NT5C3A: variants seen among roughly 807,000 people sequenced by gnomAD.
NT5C3A encodes cytosolic 5'-nucleotidase 3A.
Under a neutral mutation model 40.0 loss-of-function variants are expected in NT5C3A, and 23 were observed. That is an observed-to-expected ratio of 0.58 (90% CI 0.41 to 0.81). NT5C3A has a LOEUF of 0.81. NT5C3A is among the 40% of genes least tolerant of loss of function. The pLI is 0.00. For synonymous variants in NT5C3A, 130 were observed against 141.4 expected, an observed-to-expected ratio of 0.92 and a Z score of 0.57; for missense variants, 328 against 403.0, an observed-to-expected ratio of 0.81 and a Z score of 1.59.
intron 6 of NT5C3A, among the ~76,000 whole-genome samples, chr7:33,019,282 T>C (rs1222424953): frequency 6.6e-6 from 1 of 151,920 alleles, no homozygotes; most frequent in Non-Finnish European, 1.5e-5. Context: ...TATACTTAAA[T>C]CCCTTTTAAC....
chr7:33,030,208 T>C (rs1382364074), intron 1 of NT5C3A, among the ~76,000 whole-genome samples: 2 of 152,180 alleles, frequency 1.3e-5, no homozygotes, highest in Non-Finnish European at 2.9e-5. Context: ...GACTCCTGTA[T>C]GGAATATGTC....
At chr7:33,059,846 T>C (rs1583977275) in intron 1 of NT5C3A, among the ~76,000 whole-genome samples, 1 of 152,238 alleles carries the variant, frequency 6.6e-6, no homozygotes, top group Non-Finnish European at 1.5e-5. Flanking sequence ...TTAAGATCTC[T>C]AATCATCTTT....
At position 33,014,516 on chromosome 7, in the gene NT5C3A, TA is replaced by T; in HGVS notation, c.*213del. The T allele has an allele frequency of 3.1e-6, 2 of 641,924 alleles. No individual in the cohort carries two copies. Among genetic ancestry groups the T allele is most frequent in the Non-Finnish European group, 5.4e-6 (2 of 368,048 alleles). 39.8% of individuals were successfully genotyped at this position (641,924 alleles called of 1,614,324 possible). ...TCTAATTTTAGCTTTTTTTTTTTTT[TA>T]AATGGGTTAAAAGATACGGTGAGGA... is the stretch of plus-strand genomic sequence containing the variant. On this transcript the variant is annotated 3_prime_UTR_variant, in exon 9 of 9. Transcript: ENST00000610140.
intron 1 of NT5C3A, among the ~76,000 whole-genome samples, chr7:33,044,434 G>A (rs112773741): frequency 6.6e-6 from 1 of 152,122 alleles, no homozygotes; most frequent in Non-Finnish European, 1.5e-5. Context: ...GAAGTACGAA[G>A]TTGTAAAGAC....
intron 1 of NT5C3A, among the ~76,000 whole-genome samples, chr7:33,048,805 C>T (rs190700426): frequency 6.6e-6 from 1 of 152,130 alleles, no homozygotes; most frequent in Non-Finnish European, 1.5e-5. Flanking sequence ...GGATATCTCC[C>T]CATATCCCAT....
At chr7:33,053,884 T>C (rs1787468067) in intron 1 of NT5C3A, among the ~76,000 whole-genome samples, 1 of 152,088 alleles carries the variant, frequency 6.6e-6, no homozygotes, top group Admixed American at 6.5e-5. Flanking sequence ...GCTCACTAGA[T>C]AAGAGAACAA....
At chr7:33,053,269 C>A (rs1787443743) in intron 1 of NT5C3A, among the ~76,000 whole-genome samples, 1 of 152,052 alleles carries the variant, frequency 6.6e-6, no homozygotes, top group African/African-American at 2.4e-5. Flanking sequence ...CTCACGGCAA[C>A]CTCTGCCTCC....
At chr7:33,039,536 T>C (rs1044542271) in intron 1 of NT5C3A, among the ~76,000 whole-genome samples, 5 of 150,926 alleles carry the variant, frequency 3.3e-5, no homozygotes, top group African/African-American at 1.2e-4. Context: ...CCTGTACTAT[T>C]TGACTTTCTT....
intron 1 of NT5C3A, among the ~76,000 whole-genome samples, chr7:33,032,440 A>AAG (rs1554291429): frequency 6.7e-6 from 1 of 149,586 alleles, no homozygotes; most frequent in Non-Finnish European, 1.5e-5. Context: ...AAAAAAAAAA[A>AAG]AATTTACTTT....
At chr7:33,054,463 T>G (rs1038946982) in intron 1 of NT5C3A, among the ~76,000 whole-genome samples, 1 of 152,220 alleles carries the variant, frequency 6.6e-6, no homozygotes, top group East Asian at 1.9e-4. Context: ...GCAATGTCAT[T>G]TCCTGTTTCT....
chr7:33,021,455 A>C (rs1785627686), intron 4 of NT5C3A, 98 bp from the exon 5 acceptor site: 1 of 1,418,874 alleles, frequency 7.0e-7, no homozygotes, highest in Non-Finnish European at 9.6e-7. Flanking sequence ...ATTTTCAACA[A>C]ACTGCTTTAA....
At chr7:33,025,664 G>A (rs967353373) in intron 2 of NT5C3A, among the ~76,000 whole-genome samples, 1 of 152,154 alleles carries the variant, frequency 6.6e-6, no homozygotes, top group Admixed American at 6.5e-5. Flanking sequence ...TTTAATGCTT[G>A]TACACAGCAT....
chr7:33,062,571 C>T lies in NT5C3A; in HGVS notation c.135G>A (p.Glu45=), dbSNP rs1172986542. Residue 45 remains glutamate (E), a synonymous_variant, in exon 1 of 9, where the codon GAG becomes GAA. Transcript: ENST00000610140. ...CGCGCCGAGCCTCCACACTCACCAT[C>T]TCGATGATCTTGGTCTTCCGCCCCG... ...RKTGRKTKII[E]MMPEFQKSSV... The T allele has an allele frequency of 6.2e-7, 1 of 1,610,196 alleles. No individual in the cohort carries two copies. Among genetic ancestry groups the T allele is most frequent in the African/African-American group, 1.3e-5 (1 of 74,886 alleles).
chr7:33,027,072 T>C (rs1161837931), intron 1 of NT5C3A, 157 bp from the exon 2 acceptor site: 5 of 573,412 alleles, frequency 8.7e-6, no homozygotes, highest in Non-Finnish European at 1.5e-5. Context: ...TTATTTATTT[T>C]GTTATTACTT....
chr7:33,044,770 T>C (rs538002833), intron 1 of NT5C3A, among the ~76,000 whole-genome samples: 1 of 152,312 alleles, frequency 6.6e-6, no homozygotes, highest in Non-Finnish European at 1.5e-5. Flanking sequence ...CTAAAAATTA[T>C]CACTTCATAT....
chr7:33,038,893 G>A (rs1000399148), intron 1 of NT5C3A: 9 of 456,324 alleles, frequency 2.0e-5, no homozygotes, highest in South Asian at 1.1e-4. Context: ...TAGAAGACGT[G>A]TTCAAAAATA....
At chr7:33,044,561 C>T (rs1363268501) in intron 1 of NT5C3A, among the ~76,000 whole-genome samples, 2 of 152,142 alleles carry the variant, frequency 1.3e-5, no homozygotes, top group Non-Finnish European at 2.9e-5. Context: ...TCACTCCTAG[C>T]GGCAAACTCT....
intron 1 of NT5C3A, among the ~76,000 whole-genome samples, chr7:33,038,624 T>C (rs781378353): frequency 6.6e-6 from 1 of 152,042 alleles, no homozygotes; most frequent in Non-Finnish European, 1.5e-5. Context: ...TCAAAGATAA[T>C]CTCACATAAA....
At chr7:33,025,479 G>C (rs950309259) in intron 2 of NT5C3A, among the ~76,000 whole-genome samples, 20 of 151,740 alleles carry the variant, frequency 1.3e-4, no homozygotes, top group African/African-American at 4.8e-4. Context: ...TTTTTTTACA[G>C]AATATCCAGA....
Sources: allele counts gnomAD v4.1 joint callset (sites outside exome capture counted in the v4.1 genomes callset), GRCh38; gene constraint gnomAD v4.1.1; transcripts MANE v1.5; gene names NCBI Gene and HGNC (gene_info 2026-07-23, HGNC 2026-07-21).